ERO1B: variants seen among roughly 807,000 people sequenced by gnomAD.
The protein encoded by ERO1B is endoplasmic reticulum oxidoreductase 1 beta, also known as ERO1-like protein beta.
In ERO1B, 49 loss-of-function variants were observed where a neutral mutation model predicts 75.3. The ratio of observed to expected loss-of-function variants is 0.65; its 90% CI spans 0.52 to 0.83. ERO1B has a LOEUF of 0.83. ERO1B is among the 40% of genes least tolerant of loss of function. The pLI is 0.00. For missense variants in ERO1B, 512 were observed against 560.1 expected (o/e 0.91, Z 0.87); for synonymous variants, 191 against 192.9 (o/e 0.99, Z 0.08).
At chr1:236,274,036 C>T (rs1474636401) in intron 1 of ERO1B, among the ~76,000 whole-genome samples, 9 of 145,654 alleles carry the variant, frequency 6.2e-5, no homozygotes, top group South Asian at 4.4e-4. Context: ...CAAGCAAGAG[C>T]GCAGGATCAC....
intron 15 of ERO1B, among the ~76,000 whole-genome samples, chr1:236,219,977 T>C (rs1204468798): frequency 6.8e-6 from 1 of 147,970 alleles, no homozygotes; most frequent in East Asian, 2.0e-4. Flanking sequence ...TGAGCCATGA[T>C]TGTGCCACTG....
chr1:236,241,547 C>T (rs1376994282), intron 6 of ERO1B, among the ~76,000 whole-genome samples: 2 of 132,746 alleles, frequency 1.5e-5, no homozygotes, highest in African/African-American at 2.7e-5. Flanking sequence ...CATCTCAAAA[C>T]AAAACAAAAC....
intron 4 of ERO1B, among the ~76,000 whole-genome samples, chr1:236,251,227 C>T (rs1011886481): frequency 4.0e-5 from 6 of 151,616 alleles, no homozygotes; most frequent in African/African-American, 1.5e-4. Context: ...AAAATTTACA[C>T]ACAATAAATT....
chr1:236,271,984 A>G lies in ERO1B; in HGVS notation c.103-1990T>C, dbSNP rs535698056. Among the ~76,000 whole-genome samples the G allele has an allele frequency of 1.2e-4, 19 of 152,258 alleles. No homozygotes were observed. In the South Asian group the frequency reaches 3.9e-3, roughly 32 times the overall value. On this transcript the variant is annotated intron_variant, in intron 1 of 15. Coordinates refer to ENST00000354619, the MANE Select transcript of ERO1B (RefSeq NM_019891.4). ...TTGTAACCTTTAAAAGACTACTGAG[A>G]CAGAAACCTGTGTATCACCAAAAAC... is the stretch of plus-strand genomic sequence containing the variant.
chr1:236,224,173 C>G (rs572597611), intron 13 of ERO1B, among the ~76,000 whole-genome samples: 1 of 152,112 alleles, frequency 6.6e-6, no homozygotes, highest in African/African-American at 2.4e-5. Context: ...AACAACCCCA[C>G]AAAACTACGA....
chr1:236,235,289 A>G (rs779240855), intron 8 of ERO1B, among the ~76,000 whole-genome samples: 2 of 152,196 alleles, frequency 1.3e-5, no homozygotes, highest in African/African-American at 2.4e-5. Flanking sequence ...AGAAATACAG[A>G]ATCAGAAGCT....
Position 236,220,953 on chromosome 1 carries a change from C to A in ERO1B, c.1222G>T (p.Gly408Ter). The change falls in exon 15 of 16, where the codon GGA (glycine) becomes TGA (stop). Residue 408 changes from glycine (G) to a stop codon, truncating the protein, a stop_gained. Transcript: ENST00000354619. LOFTEE classifies it high-confidence loss of function. ...LWGKLQTQGLGTALKILFSEK... is the reference protein window; with the variant it reads ...LWGKLQTQGL ...GAGAATAATATCTTCAGGGCAGTTC[C>A]TAAACCCTGAGTCTAAAGAAAATAG... 1 of 1,559,572 alleles carries A rather than the reference C, an allele frequency of 6.4e-7. No individual in the cohort carries two copies. The highest frequency in any genetic ancestry group is 2.0e-5 in the Admixed American group (1 of 50,256).
In ERO1B at chr1:236,278,811, G is replaced by C. The variant is rs574896927; in HGVS notation, c.102+2871C>G. 8.0e-4 allele frequency among the ~76,000 whole-genome samples: 121 copies of C among 152,158 alleles called. 1 individual carries two copies. The highest frequency in any genetic ancestry group is 1.2e-3 in the Non-Finnish European group (82 of 67,984). On this transcript the variant is annotated intron_variant, in intron 1 of 15. Transcript: ENST00000354619. ...GAGATATACAAACACGTATCATTTT[G>C]TGTGTTCAAAAATATTTTTCTGCTT... is the stretch of plus-strand genomic sequence containing the variant.
chr1:236,271,113 T>C (rs1665578647), intron 1 of ERO1B, among the ~76,000 whole-genome samples: 1 of 152,174 alleles, frequency 6.6e-6, no homozygotes, highest in African/African-American at 2.4e-5. Context: ...GTACTACATG[T>C]TTACAGGATG....
At chr1:236,277,471 A>C (rs553812689) in intron 1 of ERO1B, among the ~76,000 whole-genome samples, 34 of 152,214 alleles carry the variant, frequency 2.2e-4, no homozygotes, top group African/African-American at 8.2e-4. Flanking sequence ...AGAAGGAAAA[A>C]CTGATGATCC....
intron 2 of ERO1B, among the ~76,000 whole-genome samples, chr1:236,259,713 A>G (rs1253614405): frequency 6.6e-6 from 1 of 152,158 alleles, no homozygotes; most frequent in African/African-American, 2.4e-5. Flanking sequence ...TATGCACCCA[A>G]CTTCTGAAAA....
chr1:236,234,537 G>A (rs1466536002), intron 8 of ERO1B, among the ~76,000 whole-genome samples: 2 of 152,170 alleles, frequency 1.3e-5, no homozygotes, highest in African/African-American at 4.8e-5. Context: ...TAGAAAAGTT[G>A]TGAGGCAAAA....
chr1:236,276,732 T>C (rs1665717630), intron 1 of ERO1B, among the ~76,000 whole-genome samples: 1 of 152,186 alleles, frequency 6.6e-6, no homozygotes, highest in Non-Finnish European at 1.5e-5. Flanking sequence ...TTGAATTTTC[T>C]AGAGGGAACA....
At chr1:236,259,569 C>T (rs1242520370) in intron 2 of ERO1B, among the ~76,000 whole-genome samples, 1 of 151,988 alleles carries the variant, frequency 6.6e-6, no homozygotes, top group Non-Finnish European at 1.5e-5. Context: ...AACTAGAAAC[C>T]AAAAGAGCAG....
intron 5 of ERO1B, among the ~76,000 whole-genome samples, chr1:236,248,751 C>T (rs1453230246): frequency 6.6e-6 from 1 of 152,014 alleles, no homozygotes; most frequent in Non-Finnish European, 1.5e-5. Flanking sequence ...ACTGGATATA[C>T]ACCAACTAAT....
chr1:236,274,669 C>A lies in ERO1B; in HGVS notation c.103-4675G>T, dbSNP rs151242696. Among the ~76,000 whole-genome samples the A allele has an allele frequency of 1.3e-3, 190 of 151,988 alleles. 3 individuals carry two copies. Among genetic ancestry groups the A allele is most frequent in the African/African-American group, 4.4e-3 (181 of 41,436 alleles). On this transcript the variant is annotated intron_variant, in intron 1 of 15. Coordinates refer to ENST00000354619, the MANE Select transcript of ERO1B (RefSeq NM_019891.4). ...TGCATCTATCTTCCATTCACTTATT[C>A]ATTAATTCAGCCTATTTACTGAGGC...
At chr1:236,273,477 T>C (rs908842684) in intron 1 of ERO1B, among the ~76,000 whole-genome samples, 1 of 152,190 alleles carries the variant, frequency 6.6e-6, no homozygotes, top group Non-Finnish European at 1.5e-5. Flanking sequence ...TAAAGAACAT[T>C]GCTACACAAA....
At chr1:236,230,933 A>T (rs1029280036) in intron 9 of ERO1B, among the ~76,000 whole-genome samples, 7 of 127,852 alleles carry the variant, frequency 5.5e-5, no homozygotes, top group South Asian at 2.7e-4. Flanking sequence ...TGCCTCTTTT[A>T]AAAAAAAAAA....
At chr1:236,244,848 A>G (rs1664801450) in intron 5 of ERO1B, among the ~76,000 whole-genome samples, 1 of 151,302 alleles carries the variant, frequency 6.6e-6, no homozygotes, top group African/African-American at 2.4e-5. Flanking sequence ...AGATGGATGC[A>G]ACACTATTTG....
Sources: allele counts gnomAD v4.1 joint callset (sites outside exome capture counted in the v4.1 genomes callset), GRCh38; gene constraint gnomAD v4.1.1; transcripts MANE v1.5; gene names NCBI Gene and HGNC (gene_info 2026-07-23, HGNC 2026-07-21).